Variants in TMEM44 observed in about 807,000 individuals in gnomAD.
TMEM44 encodes transmembrane protein 44.
Under a neutral mutation model 47.8 loss-of-function variants are expected in TMEM44, and 43 were observed. The observed-to-expected ratio is 0.90, with a 90% CI of 0.70 to 1.16. The LOEUF (loss-of-function observed/expected upper bound fraction) is 1.16. TMEM44 is among the 50% of genes most tolerant of loss of function. The pLI is 0.00. For missense variants in TMEM44, 568 were observed against 555.2 expected, an observed-to-expected ratio of 1.02 and a Z score of -0.23; for synonymous variants, 277 against 238.8, an observed-to-expected ratio of 1.16 and a Z score of -1.48.
intron 8 of TMEM44, among the ~76,000 whole-genome samples, chr3:194,605,008 C>T (rs1029255577): frequency 1.3e-5 from 2 of 152,200 alleles, no homozygotes; most frequent in African/African-American, 2.4e-5. Flanking sequence ...CTGCTAAAAA[C>T]GCACCCCATA....
At chr3:194,599,921 G>A (rs7373601) in intron 9 of TMEM44, among the ~76,000 whole-genome samples, 64,984 of 151,294 alleles carry the variant, frequency 0.43, 14,703 homozygotes, top group East Asian at 0.77. Context: ...CACCATACCC[G>A]GCTAATTTTT....
At chr3:194,603,135 G>A (rs979775015) in intron 9 of TMEM44, among the ~76,000 whole-genome samples, 3 of 152,170 alleles carry the variant, frequency 2.0e-5, no homozygotes, top group African/African-American at 4.8e-5. Context: ...AAACCTCCTC[G>A]CTGAATGGGG....
At chr3:194,626,464 G>A (rs1689319886) in intron 2 of TMEM44, among the ~76,000 whole-genome samples, 1 of 152,200 alleles carries the variant, frequency 6.6e-6, no homozygotes, top group Non-Finnish European at 1.5e-5. Flanking sequence ...AAAGGCACCA[G>A]CTCCTCTGAT....
chr3:194,588,761 C>T (rs987546920), intron 9 of TMEM44, 122 bp from the exon 10 acceptor site: 38 of 959,866 alleles, frequency 4.0e-5, no homozygotes, highest in Admixed American at 2.9e-4. Flanking sequence ...CAGACAAGGA[C>T]AAAAGGGTAA....
At chr3:194,623,718 A>G (rs1334808301) in intron 3 of TMEM44, 23 bp from the exon 4 acceptor site, 4 of 1,613,688 alleles carry the variant, frequency 2.5e-6, no homozygotes, top group Non-Finnish European at 2.5e-6. Flanking sequence ...CCAAAATCCC[A>G]CATGGCTCCT....
chr3:194,606,977 GA>G (rs200931054), intron 8 of TMEM44, among the ~76,000 whole-genome samples: 5,586 of 134,170 alleles, frequency 0.042, 153 homozygotes, highest in African/African-American at 0.054. Context: ...AAGAATAAAA[GA>G]AAAAATAAAA....
At chr3:194,631,685 A>T (rs1190031901) in intron 1 of TMEM44, among the ~76,000 whole-genome samples, 2 of 152,180 alleles carry the variant, frequency 1.3e-5, no homozygotes, top group Non-Finnish European at 2.9e-5. Flanking sequence ...TTCTGGCTTC[A>T]CACGCGGGGG....
chr3:194,609,385 C>T (rs898873441), intron 8 of TMEM44, among the ~76,000 whole-genome samples: 1 of 152,124 alleles, frequency 6.6e-6, no homozygotes, highest in African/African-American at 2.4e-5. Context: ...GTCAAGCTTA[C>T]CCAGAGGAGC....
intron 9 of TMEM44, among the ~76,000 whole-genome samples, chr3:194,599,908 C>A (rs1232800080): frequency 1.3e-5 from 2 of 151,436 alleles, no homozygotes; most frequent in Admixed American, 6.6e-5. Context: ...TACAGGCATG[C>A]GCCACCATAC....
In TMEM44 at chr3:194,611,912, C is replaced by T. The variant is rs187854179; in HGVS notation, c.913-892G>A. Among the ~76,000 whole-genome samples, 111 of 152,098 alleles carry T rather than the reference C, an allele frequency of 7.3e-4. 1 individual carries two copies. The highest frequency in any genetic ancestry group is 6.7e-3 in the Admixed American group (102 of 15,260). On this transcript the variant is annotated intron_variant, in intron 7 of 9. Coordinates refer to ENST00000347147, the MANE Select transcript of TMEM44 (RefSeq NM_001011655.3). This position sits in a 1 kb window ranked among gnomAD's most constrained non-coding sequence, Gnocchi z 4.2. ...TGGCGTGTGTCTGTAATCCTAGCTA[C>T]GTGGGAGGCGGAGGCAGGAGAATCG... is the stretch of plus-strand genomic sequence containing the variant.
intron 2 of TMEM44, among the ~76,000 whole-genome samples, chr3:194,627,578 T>G (rs1717310895): frequency 6.6e-6 from 1 of 152,202 alleles, no homozygotes. Context: ...GACTATGTAT[T>G]GGGCACCTAC....
At chr3:194,605,826 G>T (rs9852980) in intron 8 of TMEM44, among the ~76,000 whole-genome samples, 57,950 of 152,064 alleles carry the variant, frequency 0.38, 11,737 homozygotes, top group East Asian at 0.77. Flanking sequence ...ATGGGGCTCA[G>T]ATGTAAATGC....
chr3:194,616,606 G>A (rs1265309414), intron 6 of TMEM44: 1 of 456,610 alleles, frequency 2.2e-6, no homozygotes, highest in Non-Finnish European at 4.4e-6. Flanking sequence ...GGCAAGCGAA[G>A]ATTCCCCTCT....
chr3:194,613,994 T>C (rs1415151233), intron 7 of TMEM44, among the ~76,000 whole-genome samples: 1 of 151,698 alleles, frequency 6.6e-6, no homozygotes, highest in Non-Finnish European at 1.5e-5. Context: ...TGGTGGTGCA[T>C]GCCTGTAATC....
intron 9 of TMEM44, among the ~76,000 whole-genome samples, chr3:194,596,050 C>G (rs1442345614): frequency 6.6e-6 from 1 of 152,048 alleles, no homozygotes; most frequent in East Asian, 1.9e-4. Flanking sequence ...CAGAGAAACG[C>G]AGAGAAGAGA....
chr3:194,598,698 G>A (rs886918400), intron 9 of TMEM44, among the ~76,000 whole-genome samples: 4 of 152,162 alleles, frequency 2.6e-5, no homozygotes, highest in African/African-American at 7.2e-5. Flanking sequence ...TTACCACGGC[G>A]TGTTGAGGCA....
intron 1 of TMEM44, 24 bp downstream of exon 1, chr3:194,633,055 C>G (rs867318581): frequency 1.3e-6 from 2 of 1,545,692 alleles, no homozygotes; most frequent in Non-Finnish European, 1.7e-6. Flanking sequence ...CGCCCGACAG[C>G]CCCCCGACCC....
chr3:194,593,007 C>T (rs912040273), intron 9 of TMEM44: 8 of 1,612,936 alleles, frequency 5.0e-6, no homozygotes, highest in African/African-American at 1.3e-5. Flanking sequence ...ATAGGAAGTC[C>T]CTCCTGGAAG....
intron 1 of TMEM44, 173 bp downstream of exon 1, chr3:194,632,906 T>C: frequency 9.3e-7 from 1 of 1,077,298 alleles, no homozygotes; most frequent in Non-Finnish European, 1.3e-6. Context: ...GTGCGTGGGA[T>C]CCGGAAAGAA....
Sources: gnomAD v4.1 joint callset for allele counts (sites outside exome capture counted in the v4.1 genomes callset) on GRCh38, gnomAD v4.1.1 for gene constraint, Gnocchi (gnomAD v3.1) non-coding constraint, MANE v1.5 for transcripts, NCBI Gene and HGNC (gene_info 2026-07-23, HGNC 2026-07-21) for gene names.